ATXN7L2: variants seen among roughly 807,000 people sequenced by gnomAD.
ATXN7L2 encodes the protein ataxin 7 like 2.
A neutral mutation model predicts 59.6 loss-of-function variants in ATXN7L2; 17 were observed. The ratio of observed to expected loss-of-function variants is 0.29; its 90% CI spans 0.20 to 0.43. ATXN7L2 has a LOEUF of 0.43. Ranked by LOEUF, ATXN7L2 falls within the 20% of genes least tolerant of loss-of-function variation. The pLI is 1.00. For synonymous variants in ATXN7L2, 378 were observed against 392.5 expected (o/e 0.96, Z 0.44); for missense variants, 858 against 1,008.9 (o/e 0.85, Z 2.03).
At chr1:109,485,910 A>G in intron 1 of ATXN7L2, 147 bp from the exon 2 acceptor site, 1 of 1,314,690 alleles carries the variant, frequency 7.6e-7, no homozygotes, top group Non-Finnish European at 9.7e-7. Context: ...TGTGGGCTTC[A>G]TACTGTTGAG....
chr1:109,484,848 G>A (rs991928843), intron 1 of ATXN7L2, among the ~76,000 whole-genome samples: 1 of 152,200 alleles, frequency 6.6e-6, no homozygotes, highest in Non-Finnish European at 1.5e-5. Flanking sequence ...AGAGGTGGAG[G>A]AGGAGACTGC....
rs1192219215 is a variant in ATXN7L2, at chr1:109,485,549, G to A, written c.128-508G>A. 3 of 985,422 alleles carry A rather than the reference G, an allele frequency of 3.0e-6. No individual in the cohort carries two copies. The African/African-American group carries it at 5.2e-5, about 17-fold the overall frequency. 61.0% of individuals were successfully genotyped at this position (985,422 alleles called of 1,614,324 possible). ...GCAAAATTGAGTTCATGGGGGTGGGGACCTGGGAGAGTATCTATTTGGGAT... is the reference window on the plus strand; with the variant it reads ...GCAAAATTGAGTTCATGGGGGTGGGAACCTGGGAGAGTATCTATTTGGGAT... On this transcript the variant is annotated intron_variant, in intron 1 of 10. Coordinates refer to ENST00000683729, the MANE Select transcript of ATXN7L2 (RefSeq NM_001350175.2).
In ATXN7L2 at chr1:109,491,331, A is replaced by C; in HGVS notation, c.1864A>C (p.Thr622Pro). 1 of 1,614,246 alleles carries C rather than the reference A, an allele frequency of 6.2e-7. No homozygotes were observed. Among genetic ancestry groups the C allele is most frequent in the Non-Finnish European group, 8.5e-7 (1 of 1,180,044 alleles). ...TAAACGGACCTGCATCCTGGAGCCC[A>C]CTGGAAAAGGGAAACCCTCTGGCTG... is the stretch of plus-strand genomic sequence containing the variant. Reference protein sequence around the residue: ...TLKRTCILEPTGKGKPSGCRG... With the variant: ...TLKRTCILEPPGKGKPSGCRG... The change falls in exon 10 of 11, where the codon ACT (threonine) becomes CCT (proline). Residue 622 changes from threonine to proline, a missense_variant. Transcript: ENST00000683729. The surrounding 1 kb of genome is among the most constrained non-coding windows in gnomAD (Gnocchi z 4.1).
At position 109,486,656 on chromosome 1, in the gene ATXN7L2, A is replaced by G; in HGVS notation, c.298+46A>G. On this transcript the variant is annotated intron_variant, in intron 3 of 10. Transcript: ENST00000683729. The surrounding 1 kb of genome is among the most constrained non-coding windows in gnomAD (Gnocchi z 4.3). Reference sequence around the variant, plus strand: ...GAGATAAAGGGACAGGGGAAGGTGGAGCATGGAACTCTGAGGACAGGGTCA... The same window carrying G: ...GAGATAAAGGGACAGGGGAAGGTGGGGCATGGAACTCTGAGGACAGGGTCA... The G allele has an allele frequency of 6.6e-7, 1 of 1,512,052 alleles. No homozygotes were observed. Among genetic ancestry groups the G allele is most frequent in the Non-Finnish European group, 9.2e-7 (1 of 1,090,018 alleles). 93.7% of individuals were successfully genotyped at this position (1,512,052 alleles called of 1,614,324 possible).
At chr1:109,484,176 C>A in intron 1 of ATXN7L2, 96 bp downstream of exon 1, 5 of 1,185,496 alleles carry the variant, frequency 4.2e-6, no homozygotes, top group Non-Finnish European at 5.3e-6. Context: ...CGACTGGAGC[C>A]GCCGTCCGGC....
At position 109,491,748 on chromosome 1, in the gene ATXN7L2, G is replaced by A. The variant is rs1657096435; in HGVS notation, c.2250+31G>A. 3 of 1,545,660 alleles carry A rather than the reference G, an allele frequency of 1.9e-6. No homozygotes were observed. Among genetic ancestry groups the A allele is most frequent in the African/African-American group, 1.4e-5 (1 of 73,132 alleles). ...AGCCAGGCTCCCTGAAGATTGATGAGGGTGGGGCACACAGGGGGTACCTGA... is the reference window on the plus strand; with the variant it reads ...AGCCAGGCTCCCTGAAGATTGATGAAGGTGGGGCACACAGGGGGTACCTGA... On this transcript the variant is annotated intron_variant, in intron 10 of 10. Coordinates refer to ENST00000683729, the MANE Select transcript of ATXN7L2 (RefSeq NM_001350175.2). The surrounding 1 kb of genome is among the most constrained non-coding windows in gnomAD (Gnocchi z 4.1).
intron 7 of ATXN7L2, 162 bp from the exon 8 acceptor site, chr1:109,489,768 G>A (rs372652126): frequency 2.8e-6 from 2 of 721,992 alleles, no homozygotes; most frequent in East Asian, 2.5e-5. Context: ...TCTGTGAGCT[G>A]TGTCGTTCCC....
chr1:109,484,143 C>T, intron 1 of ATXN7L2, 63 bp downstream of exon 1: 2 of 1,313,448 alleles, frequency 1.5e-6, no homozygotes, highest in Admixed American at 3.2e-5. Flanking sequence ...CCTTCCGGGC[C>T]CCCGCCAGCT....
chr1:109,484,554 C>T (rs1274178958), intron 1 of ATXN7L2, among the ~76,000 whole-genome samples: 1 of 151,872 alleles, frequency 6.6e-6, no homozygotes, highest in Non-Finnish European at 1.5e-5. Flanking sequence ...TAGACCCCCG[C>T]CCTCTCCGCG....
rs1186767204 is a variant in ATXN7L2, at chr1:109,486,859, G to A, written c.299-148G>A. 2.2e-5 allele frequency: 18 copies of A among 831,294 alleles called. No individual in the cohort carries two copies. In the East Asian group the frequency reaches 2.8e-4, roughly 13 times the overall value. The allele number at this position is 831,294 out of a possible 1,614,324, so 51.5% of individuals were successfully genotyped here. A position where few individuals can be genotyped will look rare whatever the true frequency, so the allele number is the denominator to read the frequency against. On this transcript the variant is annotated intron_variant, in intron 3 of 10. Transcript: ENST00000683729. The surrounding 1 kb of genome is among the most constrained non-coding windows in gnomAD (Gnocchi z 4.3). ...GGGTCTTGAATTTTGAGTCCTAAAG[G>A]CTCAGATTCAAATGGGAAGGAGGCA...
At position 109,491,172 on chromosome 1, in the gene ATXN7L2, C is replaced by T. The variant is rs1455802771; in HGVS notation, c.1705C>T (p.Pro569Ser). ...GGSQAITSPLPANTPSPSFSK... is the reference protein window; with the variant it reads ...GGSQAITSPLSANTPSPSFSK... ...GAGCCAGGCTATCACCTCACCACTG[C>T]CTGCCAACACGCCATCCCCGTCCTT... is the stretch of plus-strand genomic sequence containing the variant. The change falls in exon 10 of 11, where the codon CCT becomes TCT. Residue 569 changes from proline (P) to serine (S), a missense_variant. Pro to Ser is a moderately conservative substitution (Grantham distance 74). Transcript: ENST00000683729. The surrounding 1 kb of genome is among the most constrained non-coding windows in gnomAD (Gnocchi z 4.1). The T allele has an allele frequency of 6.2e-7, 1 of 1,613,872 alleles. No individual in the cohort carries two copies. The highest frequency in any genetic ancestry group is 1.3e-5 in the African/African-American group (1 of 75,076).
In ATXN7L2 at chr1:109,486,054, T is replaced by C. The variant is rs780334038; in HGVS notation, c.128-3T>C. 1.9e-6 allele frequency: 3 copies of C among 1,585,302 alleles called. No individual in the cohort carries two copies. The highest frequency in any genetic ancestry group is 3.7e-5 in the Admixed American group (2 of 53,612). ...ACCCTTCTGAGCTGTGTTTCTCCTCTAGGGGCTGAGCTGGAGGAGAGTAGC... is the reference window on the plus strand; with the variant it reads ...ACCCTTCTGAGCTGTGTTTCTCCTCCAGGGGCTGAGCTGGAGGAGAGTAGC... On this transcript the variant is annotated splice_polypyrimidine_tract_variant and splice_region_variant and intron_variant, in intron 1 of 10. Transcript: ENST00000683729. The surrounding 1 kb of genome is among the most constrained non-coding windows in gnomAD (Gnocchi z 4.3).
At position 109,491,288 on chromosome 1, in the gene ATXN7L2, C is replaced by T. The variant is rs186977505; in HGVS notation, c.1821C>T (p.Ser607=). 1.2e-5 allele frequency: 19 copies of T among 1,614,264 alleles called. No homozygotes were observed. Among genetic ancestry groups the T allele is most frequent in the Admixed American group, 3.3e-5 (2 of 60,036 alleles). Residue 607 remains serine, a synonymous_variant, in exon 10 of 11, where the codon TCC becomes TCT. Transcript: ENST00000683729. The surrounding 1 kb of genome is among the most constrained non-coding windows in gnomAD (Gnocchi z 4.1). ...CCCCTTCTCGAAAGCGGAAGTTATC[C>T]CCTGGCCCTACCACTCTTAAACGGA... The part of the protein sequence containing the change: ...VEAPSRKRKL[S]PGPTTLKRTC...
At chr1:109,489,338 T>A (rs1048673754) in intron 7 of ATXN7L2, 2 of 569,454 alleles carry the variant, frequency 3.5e-6, no homozygotes, top group Admixed American at 3.3e-5. Flanking sequence ...ACTCAGGATA[T>A]GAACATTTTC....
chr1:109,491,652 T>G lies in ATXN7L2; in HGVS notation c.2185T>G (p.Cys729Gly). The change falls in exon 10 of 11, where the codon TGC (cysteine) becomes GGC (glycine). Residue 729 changes from cysteine (C) to glycine (G), a missense_variant. Physicochemically the swap from Cys to Gly is radical, Grantham distance 159. Transcript: ENST00000683729. This position sits in a 1 kb window ranked among gnomAD's most constrained non-coding sequence, Gnocchi z 4.1. ...CQAGAPADVACSVRRKKPGPA... is the reference protein window; with the variant it reads ...CQAGAPADVAGSVRRKKPGPA... ...GGCTGGTGCCCCTGCTGATGTGGCCTGCTCTGTGCGCCGCAAGAAGCCAGG... is the reference window on the plus strand; with the variant it reads ...GGCTGGTGCCCCTGCTGATGTGGCCGGCTCTGTGCGCCGCAAGAAGCCAGG... The G allele has an allele frequency of 6.2e-7, 1 of 1,612,394 alleles. No individual in the cohort carries two copies. The highest frequency in any genetic ancestry group is 1.1e-5 in the South Asian group (1 of 91,022).
chr1:109,491,823 G>T lies in ATXN7L2; in HGVS notation c.2250+106G>T. The T allele has an allele frequency of 7.5e-7, 1 of 1,341,296 alleles. No homozygotes were observed. The highest frequency in any genetic ancestry group is 9.9e-7 in the Non-Finnish European group (1 of 1,007,038). The allele number at this position is 1,341,296 out of a possible 1,614,324, so 83.1% of individuals were successfully genotyped here. A position where few individuals can be genotyped will look rare whatever the true frequency, so the allele number is the denominator to read the frequency against. ...TTTGTGCAGGGAAAGGGAGGAAGGG[G>T]AAGTTGAGAGAGTTCCTGGACTGTT... On this transcript the variant is annotated intron_variant, in intron 10 of 10. Transcript: ENST00000683729. The surrounding 1 kb of genome is among the most constrained non-coding windows in gnomAD (Gnocchi z 4.1).
chr1:109,491,824 A>G lies in ATXN7L2; in HGVS notation c.2250+107A>G. 1 of 1,342,446 alleles carries G rather than the reference A, an allele frequency of 7.4e-7. No individual in the cohort carries two copies. Among genetic ancestry groups the G allele is most frequent in the East Asian group, 2.5e-5 (1 of 39,420 alleles). The allele number at this position is 1,342,446 out of a possible 1,614,324, so 83.2% of individuals were successfully genotyped here. A position where few individuals can be genotyped will look rare whatever the true frequency, so the allele number is the denominator to read the frequency against. ...TTGTGCAGGGAAAGGGAGGAAGGGG[A>G]AGTTGAGAGAGTTCCTGGACTGTTT... is the stretch of plus-strand genomic sequence containing the variant. On this transcript the variant is annotated intron_variant, in intron 10 of 10. Coordinates refer to ENST00000683729, the MANE Select transcript of ATXN7L2 (RefSeq NM_001350175.2). The surrounding 1 kb of genome is among the most constrained non-coding windows in gnomAD (Gnocchi z 4.1).
Position 109,492,491 on chromosome 1 carries a change from C to T in ATXN7L2, c.2251-95C>T, listed in dbSNP as rs191318901. 1,381 of 1,514,064 alleles carry T rather than the reference C, an allele frequency of 9.1e-4. 3 individuals are homozygous for T. Among genetic ancestry groups the T allele is most frequent in the Middle Eastern group, 2.4e-3 (13 of 5,420 alleles). 93.8% of individuals were successfully genotyped at this position (1,514,064 alleles called of 1,614,324 possible). On this transcript the variant is annotated intron_variant, in intron 10 of 10. Transcript: ENST00000683729. ...ACTCACCAGGCCAGCAGAAGGAAAT[C>T]AAGCTTTAGCCTCTGTAGTGCACAC...
At chr1:109,484,131 C>G (rs1294930572) in intron 1 of ATXN7L2, 51 bp downstream of exon 1, 1 of 1,378,194 alleles carries the variant, frequency 7.3e-7, no homozygotes, top group Admixed American at 2.9e-5. Flanking sequence ...TCTCCCCTCC[C>G]CCCTTCCGGG....
Sources: allele counts gnomAD v4.1 joint callset (sites outside exome capture counted in the v4.1 genomes callset), GRCh38; gene constraint gnomAD v4.1.1; non-coding constraint Gnocchi (gnomAD v3.1); transcripts MANE v1.5; gene names NCBI Gene and HGNC (gene_info 2026-07-23, HGNC 2026-07-21).